SLC39A1: variants seen among roughly 807,000 people sequenced by gnomAD.
SLC39A1 encodes zinc transporter ZIP1.
Under a neutral mutation model 21.4 loss-of-function variants are expected in SLC39A1, and 17 were observed. The ratio of observed to expected loss-of-function variants is 0.79; its 90% CI spans 0.54 to 1.19. The LOEUF (loss-of-function observed/expected upper bound fraction) is 1.19, where lower values mean the gene tolerates loss of function less well. Among genes scored for constraint, SLC39A1 ranks in the 50% most tolerant of loss-of-function variants. SLC39A1 has a pLI of 0.00. For synonymous variants in SLC39A1, 183 were observed against 185.9 expected (o/e 0.98, Z 0.13); for missense variants, 343 against 399.8 (o/e 0.86, Z 1.21).
chr1:153,965,270 T>C (rs11264734), upstream of SLC39A1, among the ~76,000 whole-genome samples: 39,412 of 151,434 alleles, frequency 0.26, 5,677 homozygotes, highest in Admixed American at 0.38. Context: ...CTACTAAAAA[T>C]ACAAAAATTA....
chr1:153,962,547 C>T lies in SLC39A1; in HGVS notation c.169G>A (p.Ala57Thr). The T allele has an allele frequency of 1.2e-6, 2 of 1,612,890 alleles. No individual in the cohort carries two copies. Among genetic ancestry groups the T allele is most frequent in the Non-Finnish European group, 1.7e-6 (2 of 1,179,620 alleles). ...GGCTTACCTGAGCCTTCATGGTTAG[C>T]TCCTGGCCGGCGCAGCACACAGATG... is the stretch of plus-strand genomic sequence containing the variant. ...VPICVLRRPG[A>T]NHEGSASRQK... Residue 57 changes from alanine to threonine, a missense_variant, in exon 2 of 4, where the codon GCT (alanine) becomes ACT (threonine). Physicochemically the swap from Ala to Thr is moderately conservative, Grantham distance 58. Transcript: ENST00000356205.
At chr1:153,962,029 C>T (rs1647470082) in intron 3 of SLC39A1, among the ~76,000 whole-genome samples, 191 bp downstream of exon 3, 1 of 152,132 alleles carries the variant, frequency 6.6e-6, no homozygotes, top group East Asian at 1.9e-4. Context: ...AGGGGTCACA[C>T]AGGGAATGGG....
intron 1 of SLC39A1, 165 bp from the exon 2 acceptor site, chr1:153,962,912 T>G: frequency 6.2e-6 from 3 of 485,072 alleles, no homozygotes; most frequent in Non-Finnish European, 7.2e-6. Flanking sequence ...CATTCCTCTC[T>G]TCTCACACTT....
chr1:153,962,810 G>A (rs1338289939), intron 1 of SLC39A1, 63 bp from the exon 2 acceptor site: 1 of 1,336,412 alleles, frequency 7.5e-7, no homozygotes, highest in Non-Finnish European at 9.9e-7. Context: ...CAAGGAATGG[G>A]GAAGCTTGGT....
intron 1 of SLC39A1, chr1:153,962,964 A>G (rs1238515623): frequency 2.4e-6 from 1 of 409,952 alleles, no homozygotes; most frequent in Non-Finnish European, 4.3e-6. Flanking sequence ...CACGGGGGAA[A>G]CCGAGGCATG....
Position 153,960,208 on chromosome 1 carries a change from G to A in SLC39A1, c.865C>T (p.Leu289=). The change falls in exon 4 of 4, where the codon CTG becomes TTG. Residue 289 remains leucine (L), a synonymous_variant. Transcript: ENST00000356205. ...AAGTFLYITF[L]EILPQELASS... is the part of the protein sequence containing the mutation. ...GCCAGCTCCTGGGGCAGGATTTCCA[G>A]AAAGGTGATATAGAGAAAGGTGCCA... 1 of 1,614,222 alleles carries A rather than the reference G, an allele frequency of 6.2e-7. No individual in the cohort carries two copies.
At chr1:153,963,733 A>T (rs1251516781), upstream of SLC39A1, 1 of 153,470 alleles carries the variant, frequency 6.5e-6, no homozygotes, top group African/African-American at 2.4e-5. Context: ...GCAAGAGCGG[A>T]TATTAGGAAA....
At chr1:153,966,173 T>C (rs1647769906), upstream of SLC39A1, among the ~76,000 whole-genome samples, 2 of 152,124 alleles carry the variant, frequency 1.3e-5, no homozygotes, top group Admixed American at 1.3e-4. Flanking sequence ...TCTGCATCAA[T>C]CTAGGAAGGC....
At chr1:153,961,505 G>C (rs1209567603) in intron 3 of SLC39A1, among the ~76,000 whole-genome samples, 2 of 152,140 alleles carry the variant, frequency 1.3e-5, no homozygotes, top group Admixed American at 6.5e-5. Flanking sequence ...CACACTCCTA[G>C]TTGAGAGTCA....
chr1:153,961,243 T>A lies in SLC39A1; in HGVS notation c.319-489A>T, dbSNP rs1233636616. Among the ~76,000 whole-genome samples the A allele has an allele frequency of 2.0e-5, 3 of 152,274 alleles. No individual in the cohort carries two copies. In the East Asian group the frequency reaches 5.8e-4, roughly 29 times the overall value. ...GTGAGTCGAGATTGTGCCACTGCAC[T>A]CCAGCCTGGGCAACAGAGCAAGACT... On this transcript the variant is annotated intron_variant, in intron 3 of 3. Coordinates refer to ENST00000356205, the MANE Select transcript of SLC39A1 (RefSeq NM_001271958.2).
At position 153,959,593 on chromosome 1, in the gene SLC39A1, T is replaced by A. The variant is rs1680847591; in HGVS notation, c.*505A>T. The A allele has an allele frequency of 6.8e-6, 2 of 292,612 alleles. No individual in the cohort carries two copies. The highest frequency in any genetic ancestry group is 1.3e-5 in the Non-Finnish European group (2 of 159,148). 18.1% of individuals were successfully genotyped at this position (292,612 alleles called of 1,614,324 possible). A position where few individuals can be genotyped will look rare whatever the true frequency, so the allele number is the denominator to read the frequency against. The stretch of plus-strand genomic sequence containing the variant: ...TACCAAAATTGGCAGGGAGAGACCA[T>A]TTGGCGCCAGTCCCCTAGGAGATGG... On this transcript the variant is annotated 3_prime_UTR_variant, in exon 4 of 4. Transcript: ENST00000356205.
upstream of SLC39A1, among the ~76,000 whole-genome samples, chr1:153,963,931 G>C (rs1281942977): frequency 6.6e-6 from 1 of 152,258 alleles, no homozygotes; most frequent in African/African-American, 2.4e-5. Context: ...TCCCTCAGAA[G>C]GCTCTGACAC....
At chr1:153,967,610 C>G (rs1452938648), upstream of SLC39A1, 2 of 152,216 alleles carry the variant, frequency 1.3e-5, no homozygotes, top group Non-Finnish European at 2.9e-5. Flanking sequence ...CGTGATCGCA[C>G]CACCGCACTC....
chr1:153,967,310 C>T (rs1184575615), upstream of SLC39A1: 1 of 152,266 alleles, frequency 6.6e-6, no homozygotes, highest in African/African-American at 2.4e-5. Context: ...CACCGCTCCA[C>T]TGGGGTCAGC....
chr1:153,962,919 A>G (rs1353831199), intron 1 of SLC39A1, 172 bp from the exon 2 acceptor site: 1 of 479,834 alleles, frequency 2.1e-6, no homozygotes, highest in Non-Finnish European at 3.6e-6. Context: ...CTCTTCTCAC[A>G]CTTTCTTTCC....
rs1309175583 is a variant in SLC39A1, at chr1:153,960,200, G to T, written c.873C>A (p.Ile291=). The change falls in exon 4 of 4, where the codon ATC becomes ATA. Residue 291 remains isoleucine (I), a synonymous_variant. Coordinates refer to ENST00000356205, the MANE Select transcript of SLC39A1 (RefSeq NM_001271958.2). ...CAGAACTGGCCAGCTCCTGGGGCAGGATTTCCAGAAAGGTGATATAGAGAA... is the reference window on the plus strand; with the variant it reads ...CAGAACTGGCCAGCTCCTGGGGCAGTATTTCCAGAAAGGTGATATAGAGAA... The part of the protein sequence containing the change: ...GTFLYITFLE[I]LPQELASSEQ... The T allele has an allele frequency of 6.2e-7, 1 of 1,614,232 alleles. No individual in the cohort carries two copies. The highest frequency in any genetic ancestry group is 1.3e-5 in the African/African-American group (1 of 75,056).
Position 153,962,233 on chromosome 1 carries a change from GCT to G in SLC39A1, c.303_304del (p.Ala102LeufsTer59). 6.2e-7 allele frequency: 1 copy of G among 1,614,084 alleles called. No homozygotes were observed. Among genetic ancestry groups the G allele is most frequent in the South Asian group, 1.1e-5 (1 of 91,088 alleles). On this transcript the variant is annotated frameshift_variant, in exon 3 of 4. Coordinates refer to ENST00000356205, the MANE Select transcript of SLC39A1 (RefSeq NM_001271958.2). LOFTEE classifies it high-confidence loss of function. ...GCCAGTGCTCACCGTCACGTGCAAGGCTGCCAGGGCCTCATCTATGGCAGCCA... is the reference window on the plus strand; with the variant it reads ...GCCAGTGCTCACCGTCACGTGCAAGGGCCAGGGCCTCATCTATGGCAGCCA...
chr1:153,964,731 G>A (rs1012015779), upstream of SLC39A1: 1 of 151,894 alleles, frequency 6.6e-6, no homozygotes, highest in Admixed American at 6.6e-5. Flanking sequence ...CCTGAGGACA[G>A]AAGTTCAAGA....
At chr1:153,966,221 T>G (rs1370792290), upstream of SLC39A1, among the ~76,000 whole-genome samples, 10 of 152,154 alleles carry the variant, frequency 6.6e-5, no homozygotes, top group Admixed American at 2.6e-4. Flanking sequence ...GATGGAGAGA[T>G]ATGAGCGGGA....
Sources: allele counts gnomAD v4.1 joint callset (sites outside exome capture counted in the v4.1 genomes callset), GRCh38; gene constraint gnomAD v4.1.1; transcripts MANE v1.5; gene names NCBI Gene and HGNC (gene_info 2026-07-23, HGNC 2026-07-21).